The following GNAI1 variants were observed in gnomAD, a reference collection of about 807,000 sequenced individuals.
GNAI1 encodes the protein guanine nucleotide-binding protein G(i) subunit alpha-1.
GNAI1 carries 11 observed loss-of-function variants against 38.9 expected under a neutral mutation model. That is an observed-to-expected ratio of 0.28 (90% confidence interval 0.18 to 0.47). The LOEUF (loss-of-function observed/expected upper bound fraction) is 0.47, where lower values mean the gene tolerates loss of function less well. Ranked by LOEUF, GNAI1 falls within the 20% of genes least tolerant of loss-of-function variation. GNAI1 has a pLI of 0.99. For missense variants in GNAI1, 317 were observed against 436.9 expected, an observed-to-expected ratio of 0.73 and a Z score of 2.45; for synonymous variants, 166 against 145.1, an observed-to-expected ratio of 1.14 and a Z score of -1.04.
At position 80,214,722 on chromosome 7, in the gene GNAI1, C is replaced by T. The variant is rs1052332283; in HGVS notation, c.874+1853C>T. Among the ~76,000 whole-genome samples, 5 of 152,160 alleles carry T rather than the reference C, an allele frequency of 3.3e-5. No homozygotes were observed. In the East Asian group the frequency reaches 9.6e-4, roughly 29 times the overall value. On this transcript the variant is annotated intron_variant, in intron 7 of 7. Transcript: ENST00000649796. ...GTGGCTGTGGAAGAACCCTGTGTAG[C>T]CCCTAAACAACTCACTTGATTTATC...
intron 5 of GNAI1, among the ~76,000 whole-genome samples, chr7:80,208,295 A>G (rs895975349): frequency 3.3e-5 from 5 of 152,210 alleles, no homozygotes; most frequent in Non-Finnish European, 7.3e-5. Flanking sequence ...ACTTAACAGT[A>G]TATAAAATAA....
chr7:80,209,223 T>C (rs1426029092), intron 5 of GNAI1, among the ~76,000 whole-genome samples: 1 of 152,172 alleles, frequency 6.6e-6, no homozygotes, highest in Non-Finnish European at 1.5e-5. Flanking sequence ...TTCTCTGCAC[T>C]AAAGTTGTAT....
In GNAI1 at chr7:80,221,495, A is replaced by G. The variant is rs1562848603; in HGVS notation, c.*4002A>G. 6.6e-6 allele frequency among the ~76,000 whole-genome samples: 1 copy of G among 152,192 alleles called. No individual in the cohort carries two copies. Among genetic ancestry groups the G allele is most frequent in the Non-Finnish European group, 1.5e-5 (1 of 68,018 alleles). On this transcript the variant is annotated 3_prime_UTR_variant, in exon 8 of 8. Transcript: ENST00000649796. ...AACAAAACTCTCATAATTCGTTTTC[A>G]TAATGAAAACTAAGTGTCTCACATA...
At chr7:80,181,993 A>G (rs1050055297) in intron 1 of GNAI1, among the ~76,000 whole-genome samples, 2 of 152,132 alleles carry the variant, frequency 1.3e-5, no homozygotes, top group African/African-American at 4.8e-5. Context: ...ATTCATCGTA[A>G]CTAAAACTTG....
In GNAI1 at chr7:80,184,279, G is replaced by C. The variant is rs190748663; in HGVS notation, c.119-4672G>C. Among the ~76,000 whole-genome samples the C allele has an allele frequency of 2.5e-3, 378 of 152,306 alleles. 4 individuals are homozygous for C. Among genetic ancestry groups the C allele is most frequent in the African/African-American group, 8.9e-3 (368 of 41,562 alleles). ...AAGGAAGGAACGCGCACCTGGAAGAGGGCCAAGCTGGTGACTCGAACGGTT... is the reference window on the plus strand; with the variant it reads ...AAGGAAGGAACGCGCACCTGGAAGACGGCCAAGCTGGTGACTCGAACGGTT... On this transcript the variant is annotated intron_variant, in intron 1 of 7. Transcript: ENST00000649796.
chr7:80,168,658 C>T (rs1366052909), intron 1 of GNAI1, among the ~76,000 whole-genome samples: 2 of 152,194 alleles, frequency 1.3e-5, no homozygotes, highest in Non-Finnish European at 2.9e-5. Context: ...GCTGGGATTA[C>T]AGGCGTGAGC....
At chr7:80,203,102 A>C (rs1389838556) in intron 4 of GNAI1, among the ~76,000 whole-genome samples, 5 of 152,210 alleles carry the variant, frequency 3.3e-5, no homozygotes, top group Non-Finnish European at 7.3e-5. Context: ...TTATATCACA[A>C]CATATGTAGC....
At chr7:80,200,349 C>CAAAAAA (rs1788662418) in intron 4 of GNAI1, among the ~76,000 whole-genome samples, 2 of 44,324 alleles carry the variant, frequency 4.5e-5, no homozygotes, top group Non-Finnish European at 4.4e-5. Flanking sequence ...AAAAAAAAAC[C>CAAAAAA]TAATCAGGGA....
intron 1 of GNAI1, among the ~76,000 whole-genome samples, chr7:80,173,760 G>A (rs1788136140): frequency 6.6e-6 from 1 of 152,168 alleles, no homozygotes; most frequent in African/African-American, 2.4e-5. Flanking sequence ...CTCATAGCTT[G>A]CTTGGAGCTT....
intron 1 of GNAI1, among the ~76,000 whole-genome samples, chr7:80,164,120 C>T (rs1196100859): frequency 3.4e-5 from 5 of 145,598 alleles, no homozygotes; most frequent in Non-Finnish European, 4.5e-5. Flanking sequence ...TCTTGGCTCA[C>T]TGCAACCTCC....
chr7:80,212,886 G>C lies in GNAI1; in HGVS notation c.874+17G>C. 1 of 1,504,584 alleles carries C rather than the reference G, an allele frequency of 6.6e-7. No homozygotes were observed. Among genetic ancestry groups the C allele is most frequent in the Non-Finnish European group, 9.0e-7 (1 of 1,116,582 alleles). The allele number at this position is 1,504,584 out of a possible 1,614,324, so 93.2% of individuals were successfully genotyped here. A position where few individuals can be genotyped will look rare whatever the true frequency, so the allele number is the denominator to read the frequency against. Reference sequence around the variant, plus strand: ...AATATGCAGGTATTTTCCTTTTCTGGGAATAACTTGTCAAGTTACATATTT... The same window carrying C: ...AATATGCAGGTATTTTCCTTTTCTGCGAATAACTTGTCAAGTTACATATTT... On this transcript the variant is annotated intron_variant, in intron 7 of 7. Coordinates refer to ENST00000649796, the MANE Select transcript of GNAI1 (RefSeq NM_002069.6).
chr7:80,173,115 C>CT (rs1195115844), intron 1 of GNAI1, among the ~76,000 whole-genome samples: 2 of 152,100 alleles, frequency 1.3e-5, no homozygotes, highest in Non-Finnish European at 1.5e-5. Flanking sequence ...GGATTGTGCC[C>CT]TTAAGGTGAA....
chr7:80,183,885 T>A (rs548965751), intron 1 of GNAI1, among the ~76,000 whole-genome samples: 3 of 152,330 alleles, frequency 2.0e-5, no homozygotes, highest in Non-Finnish European at 4.4e-5. Flanking sequence ...CTTGACTTGA[T>A]GCATTTCCCT....
At chr7:80,191,634 C>T (rs957030200) in intron 3 of GNAI1, among the ~76,000 whole-genome samples, 5 of 152,058 alleles carry the variant, frequency 3.3e-5, no homozygotes, top group Admixed American at 1.3e-4. Context: ...TCAAGTAATC[C>T]GCCCACCTCG....
chr7:80,193,664 C>T (rs537276972), intron 3 of GNAI1, among the ~76,000 whole-genome samples: 1 of 152,206 alleles, frequency 6.6e-6, no homozygotes, highest in Admixed American at 6.5e-5. Context: ...TGGACTAGTG[C>T]CTGTCCACAA....
intron 1 of GNAI1, among the ~76,000 whole-genome samples, chr7:80,138,156 C>T (rs1292553436): frequency 6.6e-6 from 1 of 151,360 alleles, no homozygotes; most frequent in African/African-American, 2.4e-5. Flanking sequence ...AAATTTAAGG[C>T]ATAAAATCTC....
At chr7:80,156,651 C>G (rs1474003981) in intron 1 of GNAI1, among the ~76,000 whole-genome samples, 1 of 152,088 alleles carries the variant, frequency 6.6e-6, no homozygotes, top group Non-Finnish European at 1.5e-5. Context: ...CCAGGCTGGT[C>G]TTAAACTCCT....
At chr7:80,167,372 C>T (rs1788029184) in intron 1 of GNAI1, among the ~76,000 whole-genome samples, 1 of 152,160 alleles carries the variant, frequency 6.6e-6, no homozygotes, top group African/African-American at 2.4e-5. Context: ...GTCAGTGTCA[C>T]AAAAGTGAAG....
intron 3 of GNAI1, among the ~76,000 whole-genome samples, chr7:80,196,404 A>G (rs904622679): frequency 1.3e-5 from 2 of 152,072 alleles, no homozygotes; most frequent in African/African-American, 4.8e-5. Context: ...AGTAATCCCT[A>G]TTCTTTTTCT....
Sources: allele counts gnomAD v4.1 joint callset (sites outside exome capture counted in the v4.1 genomes callset), GRCh38; gene constraint gnomAD v4.1.1; transcripts MANE v1.5; gene names NCBI Gene and HGNC (gene_info 2026-07-23, HGNC 2026-07-21).